The following GATA4 variants were observed in gnomAD, a reference collection of about 807,000 sequenced individuals.
GATA4 encodes the protein GATA binding protein 4, also known as transcription factor GATA-4.
Under a neutral mutation model 37.9 loss-of-function variants are expected in GATA4, and 7 were observed. The ratio of observed to expected loss-of-function variants is 0.18; its 90% CI spans 0.11 to 0.35. The LOEUF (loss-of-function observed/expected upper bound fraction) is 0.35, where lower values mean the gene tolerates loss of function less well. GATA4 is among the 10% of genes least tolerant of loss of function. The pLI, the probability that GATA4 is intolerant of heterozygous loss-of-function variation, is 1.00. For missense variants in GATA4, 647 were observed against 653.0 expected (o/e 0.99, Z 0.10); for synonymous variants, 372 against 292.6 (o/e 1.27, Z -2.77).
intron 2 of GATA4, among the ~76,000 whole-genome samples, chr8:11,734,696 G>T (rs1183333469): frequency 3.3e-5 from 5 of 152,198 alleles, no homozygotes; most frequent in Non-Finnish European, 1.5e-5. Context: ...CACCATGTTG[G>T]TCAGTCTGGT....
chr8:11,677,016 CT>C (rs1798806133), exon 1 of GATA4: 2 of 152,358 alleles, frequency 1.3e-5, no homozygotes, highest in Admixed American at 1.3e-4. Flanking sequence ...CAGAGTTTGC[CT>C]CACACCAGGC....
intron 2 of GATA4, among the ~76,000 whole-genome samples, chr8:11,726,880 A>G (rs187858288): frequency 2.6e-5 from 4 of 151,782 alleles, no homozygotes; most frequent in African/African-American, 7.3e-5. Flanking sequence ...GGAGCAGATG[A>G]CTCACAATCT....
At chr8:11,715,020 G>A (rs2130112494) in intron 2 of GATA4, among the ~76,000 whole-genome samples, 1 of 152,258 alleles carries the variant, frequency 6.6e-6, no homozygotes, top group South Asian at 2.1e-4. Flanking sequence ...AACAAAATTG[G>A]AAATAATCTA....
At chr8:11,729,746 C>A (rs1210687088) in intron 2 of GATA4, among the ~76,000 whole-genome samples, 1 of 152,138 alleles carries the variant, frequency 6.6e-6, no homozygotes, top group African/African-American at 2.4e-5. Flanking sequence ...GGGGTTAAGT[C>A]CGCTGCCTTG....
intron 2 of GATA4, among the ~76,000 whole-genome samples, chr8:11,742,958 C>G (rs1015228074): frequency 1.3e-5 from 2 of 152,252 alleles, no homozygotes; most frequent in African/African-American, 4.8e-5. Flanking sequence ...TCCCTCCCCT[C>G]CTGCCCAGTC....
At chr8:11,677,997 A>G (rs1385474281) in intron 1 of GATA4, among the ~76,000 whole-genome samples, 1 of 148,150 alleles carries the variant, frequency 6.7e-6, no homozygotes, top group Non-Finnish European at 1.5e-5. Context: ...TGTAGCTGAG[A>G]AAAGGGCTGA....
rs571664464 is a variant in GATA4 at position 11,698,207 on chromosome 8, C to G, written c.-728-2301C>G. Among the ~76,000 whole-genome samples, 12 of 152,376 alleles carry G rather than the reference C, an allele frequency of 7.9e-5. No individual in the cohort carries two copies. In the South Asian group the frequency reaches 2.5e-3, roughly 32 times the overall value. Reference sequence around the variant, plus strand: ...TCTCCTTTCTCTGTCTCTGCTCTCTCTGCCCGTCCATTGCCTGCTTTGGTT... The same window carrying G: ...TCTCCTTTCTCTGTCTCTGCTCTCTGTGCCCGTCCATTGCCTGCTTTGGTT... On this transcript the variant is annotated intron_variant, in intron 1 of 2. Transcript: ENST00000526974.
At chr8:11,678,973 A>G (rs1360040845) in intron 1 of GATA4, among the ~76,000 whole-genome samples, 3 of 152,216 alleles carry the variant, frequency 2.0e-5, no homozygotes, top group East Asian at 1.9e-4. Context: ...TAAAATATCC[A>G]TTTCAAATAG....
rs77747568 is a variant in GATA4 at position 11,749,919 on chromosome 8, C to G, written c.787-192C>G. 0.011 allele frequency among the ~76,000 whole-genome samples: 1,697 copies of G among 152,334 alleles called. 34 individuals are homozygous for G. Among genetic ancestry groups the G allele is most frequent in the African/African-American group, 0.039 (1,627 of 41,566 alleles). On this transcript the variant is annotated intron_variant, in intron 3 of 6. Transcript: ENST00000532059. This position sits in a 1 kb window ranked among gnomAD's most constrained non-coding sequence, Gnocchi z 4.6. ...CTCCTCGGGCAGCAGAAACCTTGTT[C>G]TGATTTATTCCTCGCAGTGGCGCAG...
chr8:11,749,812 A>G lies in GATA4; in HGVS notation c.787-299A>G, dbSNP rs1299202751. ...TCTCAGGAGAAGCTTTCCTGCCGGC[A>G]GTGCCCGGCGCTCACTGGTTATTCG... On this transcript the variant is annotated intron_variant, in intron 3 of 6. Transcript: ENST00000532059. The surrounding 1 kb of genome is among the most constrained non-coding windows in gnomAD (Gnocchi z 4.6). Among the ~76,000 whole-genome samples the G allele has an allele frequency of 6.6e-6, 1 of 152,234 alleles. No homozygotes were observed. The highest frequency in any genetic ancestry group is 1.5e-5 in the Non-Finnish European group (1 of 68,040).
At chr8:11,732,811 T>C (rs1296657982) in intron 2 of GATA4, among the ~76,000 whole-genome samples, 2 of 152,208 alleles carry the variant, frequency 1.3e-5, no homozygotes. Flanking sequence ...AAAACTTTTA[T>C]CTGCAGTGAA....
intron 1 of GATA4, chr8:11,692,688 G>C (rs1216966629): frequency 1.0e-6 from 1 of 985,010 alleles, no homozygotes; most frequent in Non-Finnish European, 1.2e-6. Context: ...GGGGTGAGGG[G>C]TGCGGGGCTG....
At chr8:11,689,946 C>A (rs1799257411), upstream of GATA4, among the ~76,000 whole-genome samples, 2 of 152,330 alleles carry the variant, frequency 1.3e-5, no homozygotes, top group Middle Eastern at 3.4e-3. Flanking sequence ...TGCCAGGGAA[C>A]CTTGTCCTGG....
At chr8:11,678,133 A>T (rs58467083) in intron 1 of GATA4, among the ~76,000 whole-genome samples, 3 of 151,842 alleles carry the variant, frequency 2.0e-5, no homozygotes, top group African/African-American at 7.3e-5. Flanking sequence ...AGGCTCTGAG[A>T]GTTTGAAACC....
At chr8:11,681,685 C>A (rs1798979052) in intron 1 of GATA4, among the ~76,000 whole-genome samples, 1 of 152,230 alleles carries the variant, frequency 6.6e-6, no homozygotes, top group Admixed American at 6.5e-5. Context: ...CTCTTCATTT[C>A]TCTCTTTTTC....
chr8:11,686,899 G>A (rs1265349262), intron 1 of GATA4, among the ~76,000 whole-genome samples: 2 of 151,958 alleles, frequency 1.3e-5, no homozygotes, highest in Admixed American at 6.6e-5. Flanking sequence ...TCAGGAGGCT[G>A]AGGCAGGAAA....
In GATA4 at chr8:11,709,197, C is replaced by T. The variant is rs1487508067; in HGVS notation, c.616+269C>T. Among the ~76,000 whole-genome samples the T allele has an allele frequency of 2.0e-5, 3 of 152,198 alleles. No homozygotes were observed. ...GTCGGAGTGCGGCCTCCCCGCCATC[C>T]CAGACATCGACCGTGGCCGCGCTGC... On this transcript the variant is annotated intron_variant, in intron 2 of 6. Transcript: ENST00000532059. The surrounding 1 kb of genome is among the most constrained non-coding windows in gnomAD (Gnocchi z 4.3).
upstream of GATA4, among the ~76,000 whole-genome samples, chr8:11,702,120 C>T (rs1451573204): frequency 6.6e-6 from 1 of 152,200 alleles, no homozygotes; most frequent in Non-Finnish European, 1.5e-5. This position sits in a 1 kb window ranked among gnomAD's most constrained non-coding sequence, Gnocchi z 4.4. Context: ...GGCACCGCAC[C>T]TCCCGCTGCA....
chr8:11,752,974 T>C (rs1472512766), intron 4 of GATA4, among the ~76,000 whole-genome samples: 5 of 152,166 alleles, frequency 3.3e-5, no homozygotes, highest in African/African-American at 1.2e-4. Context: ...TATTGGGAAA[T>C]ATTATATAGG....
Sources: gnomAD v4.1 joint callset for allele counts (sites outside exome capture counted in the v4.1 genomes callset) on GRCh38, gnomAD v4.1.1 for gene constraint, Gnocchi (gnomAD v3.1) non-coding constraint, MANE v1.5 for transcripts, NCBI Gene and HGNC (gene_info 2026-07-23, HGNC 2026-07-21) for gene names.